SFXN1: variants seen among roughly 807,000 people sequenced by gnomAD.
SFXN1 encodes sideroflexin 1.
In SFXN1, 32 loss-of-function variants were observed where a neutral mutation model predicts 39.5. The ratio of observed to expected loss-of-function variants is 0.81; its 90% CI spans 0.61 to 1.09. The LOEUF is 1.09. Among genes scored for constraint, SFXN1 ranks in the 50% least tolerant of loss-of-function variants. The pLI, the probability that SFXN1 is intolerant of heterozygous loss-of-function variation, is 0.00. For synonymous variants in SFXN1, 136 were observed against 146.5 expected, an observed-to-expected ratio of 0.93 and a Z score of 0.52; for missense variants, 402 against 407.1, an observed-to-expected ratio of 0.99 and a Z score of 0.11.
Position 175,501,244 on chromosome 5 carries a change from A to AT in SFXN1, c.165-7783dup, listed in dbSNP as rs562061556. 8.4e-3 allele frequency among the ~76,000 whole-genome samples: 1,278 copies of AT among 151,864 alleles called. 25 individuals are homozygous for AT. Among genetic ancestry groups the AT allele is most frequent in the African/African-American group, 0.029 (1,196 of 41,402 alleles). On this transcript the variant is annotated intron_variant, in intron 2 of 10. Coordinates refer to ENST00000321442, the MANE Select transcript of SFXN1 (RefSeq NM_022754.7). The stretch of plus-strand genomic sequence containing the variant: ...CCACCACGCCCAGCTAATTTTTTGT[A>AT]TTTTTAATAGAGACAGGGTTTCACT...
intron 1 of SFXN1, chr5:175,491,355 T>A (rs1759647079): frequency 6.6e-6 from 1 of 152,188 alleles, no homozygotes. Context: ...AACCTTTTTT[T>A]AATCATTAGT....
chr5:175,502,763 C>T (rs948870769), intron 2 of SFXN1, among the ~76,000 whole-genome samples: 10 of 152,226 alleles, frequency 6.6e-5, no homozygotes, highest in Admixed American at 6.5e-4. Flanking sequence ...ATCGCTTGAA[C>T]CCGGGAAGCA....
At chr5:175,478,811 G>C (rs370232199) in intron 1 of SFXN1, 172 bp downstream of exon 1, 12 of 152,276 alleles carry the variant, frequency 7.9e-5, no homozygotes, top group East Asian at 7.8e-4. Flanking sequence ...CTCGGGCCGG[G>C]GGGGGGGTCC....
intron 2 of SFXN1, among the ~76,000 whole-genome samples, chr5:175,496,738 T>C (rs1280773762): frequency 6.6e-6 from 1 of 152,192 alleles, no homozygotes; most frequent in African/African-American, 2.4e-5. Flanking sequence ...CTTACGAAAT[T>C]ACAGTACATT....
At chr5:175,487,715 C>T (rs1404965083) in intron 1 of SFXN1, among the ~76,000 whole-genome samples, 3 of 152,176 alleles carry the variant, frequency 2.0e-5, no homozygotes, top group Non-Finnish European at 2.9e-5. Context: ...ACACTTCTCC[C>T]CTGAACTTAG....
Position 175,492,198 on chromosome 5 carries a change from C to G in SFXN1, c.95C>G (p.Thr32Ser). ...CGAGCCAATCATTTCTTCACTGTAACTGACCCCAGGAACATTCTGTTAACC... is the reference window on the plus strand; with the variant it reads ...CGAGCCAATCATTTCTTCACTGTAAGTGACCCCAGGAACATTCTGTTAACC... ...IGRANHFFTV[T>S]DPRNILLTNE... The change falls in exon 2 of 11, where the codon ACT becomes AGT. Residue 32 changes from threonine (T) to serine (S), a missense_variant. By Grantham distance (58) the Thr-to-Ser change is moderately conservative (BLOSUM62 1). Coordinates refer to ENST00000321442, the MANE Select transcript of SFXN1 (RefSeq NM_022754.7). The G allele has an allele frequency of 6.2e-7, 1 of 1,614,106 alleles. No homozygotes were observed. Among genetic ancestry groups the G allele is most frequent in the Non-Finnish European group, 8.5e-7 (1 of 1,180,008 alleles).
At chr5:175,524,120 AAAAAAATATATATATATAT>A (rs1232344152) in intron 10 of SFXN1, 64 of 37,954 alleles carry the variant, frequency 1.7e-3, no homozygotes, top group East Asian at 2.4e-3. Context: ...AAAAAAAAAA[AAAAAAATATATATATATAT>A]ATATATATAT....
chr5:175,526,255 T>C (rs1164780181), intron 10 of SFXN1, among the ~76,000 whole-genome samples: 1 of 152,070 alleles, frequency 6.6e-6, no homozygotes, highest in Non-Finnish European at 1.5e-5. Flanking sequence ...ATTGCATATC[T>C]CTTTTTTTAT....
At chr5:175,500,656 C>T (rs1049820591) in intron 2 of SFXN1, among the ~76,000 whole-genome samples, 1 of 151,970 alleles carries the variant, frequency 6.6e-6, no homozygotes, top group African/African-American at 2.4e-5. Context: ...ATACAGGGAG[C>T]CTAGAATATT....
At chr5:175,521,034 C>T (rs945939042) in intron 8 of SFXN1, among the ~76,000 whole-genome samples, 1 of 152,178 alleles carries the variant, frequency 6.6e-6, no homozygotes, top group South Asian at 2.1e-4. Flanking sequence ...GCCTCCCATG[C>T]ATGTTGTCTT....
At chr5:175,504,056 G>A (rs1230054499) in intron 2 of SFXN1, among the ~76,000 whole-genome samples, 2 of 150,666 alleles carry the variant, frequency 1.3e-5, no homozygotes, top group Admixed American at 6.6e-5. Context: ...AGAAAAGAGG[G>A]GGGTGGGGGA....
chr5:175,500,347 A>G (rs182464152), intron 2 of SFXN1, among the ~76,000 whole-genome samples: 2 of 151,602 alleles, frequency 1.3e-5, no homozygotes, highest in East Asian at 3.9e-4. Context: ...AGTAGCAACA[A>G]AAATATTAAG....
Position 175,529,090 on chromosome 5 carries a change from A to G in SFXN1, c.*2356A>G, listed in dbSNP as rs1471956135. On this transcript the variant is annotated 3_prime_UTR_variant, in exon 11 of 11. Transcript: ENST00000321442. ...GGTGGCTCACCCCTGTAATCCCAGC[A>G]CTTTGGGAGGCCGAGGCGGGTGGAT... 6.6e-6 allele frequency: 1 copy of G among 152,278 alleles called. No individual in the cohort carries two copies. Among genetic ancestry groups the G allele is most frequent in the East Asian group, 1.9e-4 (1 of 5,202 alleles). 9.4% of individuals were successfully genotyped at this position (152,278 alleles called of 1,614,324 possible). A position where few individuals can be genotyped will look rare whatever the true frequency, so the allele number is the denominator to read the frequency against.
chr5:175,527,549 G>A lies in SFXN1; in HGVS notation c.*815G>A, dbSNP rs1761104394. 1 of 152,102 alleles carries A rather than the reference G, an allele frequency of 6.6e-6. No homozygotes were observed. The highest frequency in any genetic ancestry group is 1.5e-5 in the Non-Finnish European group (1 of 68,018). 9.4% of individuals were successfully genotyped at this position (152,102 alleles called of 1,614,324 possible). On this transcript the variant is annotated 3_prime_UTR_variant, in exon 11 of 11. Coordinates refer to ENST00000321442, the MANE Select transcript of SFXN1 (RefSeq NM_022754.7). ...TGGAAGTATATTCAATACCAATGCTGTATGAGTGGGCTGAATCCAGTTCAT... is the reference window on the plus strand; with the variant it reads ...TGGAAGTATATTCAATACCAATGCTATATGAGTGGGCTGAATCCAGTTCAT...
At chr5:175,498,319 C>T (rs943990679) in intron 2 of SFXN1, among the ~76,000 whole-genome samples, 5 of 151,948 alleles carry the variant, frequency 3.3e-5, no homozygotes, top group African/African-American at 1.2e-4. Context: ...CGGCTTTAAT[C>T]ATTTCACATT....
rs1761150670 is a variant in SFXN1 at position 175,528,720 on chromosome 5, T to G, written c.*1986T>G. 1 of 152,180 alleles carries G rather than the reference T, an allele frequency of 6.6e-6. No homozygotes were observed. Among genetic ancestry groups the G allele is most frequent in the Non-Finnish European group, 1.5e-5 (1 of 68,042 alleles). The allele number at this position is 152,180 out of a possible 1,614,324, so 9.4% of individuals were successfully genotyped here. A position where few individuals can be genotyped will look rare whatever the true frequency, so the allele number is the denominator to read the frequency against. On this transcript the variant is annotated 3_prime_UTR_variant, in exon 11 of 11. Transcript: ENST00000321442. The stretch of plus-strand genomic sequence containing the variant: ...AGAGTCTTCTTATTTAGATTTTCTG[T>G]CTTAAACCATTGGAAGCAAAACGGT...
At chr5:175,514,835 G>A (rs1760663348) in intron 7 of SFXN1, among the ~76,000 whole-genome samples, 1 of 152,174 alleles carries the variant, frequency 6.6e-6, no homozygotes, top group Non-Finnish European at 1.5e-5. Context: ...TGTAGGGGTG[G>A]CTGCACAGCC....
At chr5:175,522,806 G>C (rs1246232730) in intron 10 of SFXN1, 1 of 166,342 alleles carries the variant, frequency 6.0e-6, no homozygotes, top group Non-Finnish European at 1.3e-5. Context: ...ACTTAGCTTA[G>C]GTGGTTGGTA....
At chr5:175,516,760 C>A in intron 8 of SFXN1, 97 bp downstream of exon 8, 1 of 1,229,626 alleles carries the variant, frequency 8.1e-7, no homozygotes, top group Non-Finnish European at 1.2e-6. Context: ...GTAAAGAAGC[C>A]GAAGGCCAGT....
Sources: gnomAD v4.1 joint callset for allele counts (sites outside exome capture counted in the v4.1 genomes callset) on GRCh38, gnomAD v4.1.1 for gene constraint, MANE v1.5 for transcripts, NCBI Gene and HGNC (gene_info 2026-07-23, HGNC 2026-07-21) for gene names.